Variants in RANBP2 observed in about 807,000 individuals in gnomAD.
RANBP2 encodes RAN binding protein 2.
In RANBP2, 57 loss-of-function variants were observed where a neutral mutation model predicts 303.6. The observed-to-expected ratio is 0.19, with a 90% CI of 0.15 to 0.23. RANBP2 has a LOEUF of 0.23. RANBP2 is among the 10% of genes least tolerant of loss of function. RANBP2 has a pLI of 1.00. For synonymous variants in RANBP2, 1,167 were observed against 1,301.5 expected (o/e 0.90, Z 2.23); for missense variants, 3,138 against 3,780.8 (o/e 0.83, Z 4.46).
chr2:109,225,079 G>A, the RANBP2 span, among the ~76,000 whole-genome samples: 328 of 152,216 alleles, frequency 2.2e-3, 1 homozygote, highest in African/African-American at 7.4e-3. Flanking sequence ...GAGCCTTTTC[G>A]TTTAGACCAA....
the RANBP2 span, among the ~76,000 whole-genome samples, chr2:109,626,238 GAGA>G: frequency 3.6e-3 from 555 of 152,216 alleles, 3 homozygotes; most frequent in African/African-American, 0.013. Context: ...CCTGAACTTT[GAGA>G]GGCCGAGGTG....
chr2:108,871,573 C>T, the RANBP2 span, among the ~76,000 whole-genome samples: 9 of 151,736 alleles, frequency 5.9e-5, no homozygotes, highest in Non-Finnish European at 1.3e-4. Flanking sequence ...AAAGTTCCTT[C>T]TGTTAAAAAA....
the RANBP2 span, among the ~76,000 whole-genome samples, chr2:109,675,981 G>A: frequency 6.6e-6 from 1 of 152,356 alleles, no homozygotes; most frequent in East Asian, 1.9e-4. Flanking sequence ...GAGCACCATA[G>A]CCAGTGAGGA....
the RANBP2 span, among the ~76,000 whole-genome samples, chr2:109,396,173 C>T: frequency 1.3e-5 from 2 of 152,218 alleles, no homozygotes; most frequent in African/African-American, 4.8e-5. Flanking sequence ...AGAAAGCTGG[C>T]TCCCAGGTAT....
the RANBP2 span, among the ~76,000 whole-genome samples, chr2:108,881,929 A>T: frequency 1.3e-5 from 2 of 152,164 alleles, no homozygotes; most frequent in Admixed American, 1.3e-4. Flanking sequence ...GGATTGCTTG[A>T]GGCCAGGAGT....
At chr2:109,437,166 A>AC in the RANBP2 span, 3 of 1,593,928 alleles carry the variant, frequency 1.9e-6, no homozygotes, top group Admixed American at 5.1e-5. Context: ...CAGGGGCCTC[A>AC]CCCTGCAGGG....
At chr2:108,911,163 T>G in the RANBP2 span, 5 of 1,507,940 alleles carry the variant, frequency 3.3e-6, no homozygotes, top group African/African-American at 6.9e-5. Flanking sequence ...GCAATGGCCC[T>G]GCCCCTGGGA....
chr2:109,078,550 A>AT, the RANBP2 span, among the ~76,000 whole-genome samples: 1 of 148,994 alleles, frequency 6.7e-6, no homozygotes, highest in Admixed American at 6.7e-5. Flanking sequence ...TGGTCAAAGG[A>AT]TATGAAGCTT....
At chr2:109,063,131 G>A in the RANBP2 span, among the ~76,000 whole-genome samples, 1 of 152,186 alleles carries the variant, frequency 6.6e-6, no homozygotes, top group Non-Finnish European at 1.5e-5. Context: ...TTCCCCTAGG[G>A]TTGTGCAGAC....
At chr2:109,645,543 A>G in the RANBP2 span, among the ~76,000 whole-genome samples, 1 of 152,192 alleles carries the variant, frequency 6.6e-6, no homozygotes, top group Admixed American at 6.5e-5. Context: ...GTGCTAAACA[A>G]ACCAAGCCTG....
At chr2:109,290,434 A>G in the RANBP2 span, among the ~76,000 whole-genome samples, 1 of 152,202 alleles carries the variant, frequency 6.6e-6, no homozygotes. Context: ...ACACACATAT[A>G]TGCATGCACC....
chr2:109,337,051 TA>T, the RANBP2 span, among the ~76,000 whole-genome samples: 61 of 152,366 alleles, frequency 4.0e-4, 1 homozygote, highest in East Asian at 0.011. Context: ...TAACATTTTT[TA>T]ACATAATAGC....
chr2:108,983,379 A>G, the RANBP2 span, among the ~76,000 whole-genome samples: 1 of 152,204 alleles, frequency 6.6e-6, no homozygotes, highest in African/African-American at 2.4e-5. Flanking sequence ...GGCCAGAGGT[A>G]ATGTTTATTA....
chr2:109,447,699 C>T, the RANBP2 span, among the ~76,000 whole-genome samples: 1 of 152,146 alleles, frequency 6.6e-6, no homozygotes, highest in African/African-American at 2.4e-5. Context: ...TTGTTTCATC[C>T]ATATTTATTA....
At chr2:108,896,913 T>C in the RANBP2 span, 1 of 1,611,714 alleles carries the variant, frequency 6.2e-7, no homozygotes, top group Non-Finnish European at 8.5e-7. Context: ...CTTTTCAGGA[T>C]GCAGCATGTG....
At chr2:109,574,891 C>A in the RANBP2 span, 12 of 560,078 alleles carry the variant, frequency 2.1e-5, no homozygotes, top group Middle Eastern at 5.0e-4. Flanking sequence ...CTATGCTGAA[C>A]AGATTAACTT....
the RANBP2 span, among the ~76,000 whole-genome samples, chr2:109,767,884 CAA>C: frequency 2.3e-5 from 1 of 43,038 alleles, no homozygotes. Flanking sequence ...TAGCAGGAAT[CAA>C]AGAGTGCAGA....
the RANBP2 span, among the ~76,000 whole-genome samples, chr2:109,379,664 G>A: frequency 6.6e-6 from 1 of 152,212 alleles, no homozygotes; most frequent in Non-Finnish European, 1.5e-5. Flanking sequence ...TCCTGCCGCA[G>A]CGACAGCCTG....
the RANBP2 span, among the ~76,000 whole-genome samples, chr2:109,069,274 C>T: frequency 6.6e-6 from 1 of 152,210 alleles, no homozygotes; most frequent in Non-Finnish European, 1.5e-5. Flanking sequence ...CTCAATACAG[C>T]CTTTGAGTGC....
Sources: allele counts gnomAD v4.1 joint callset (sites outside exome capture counted in the v4.1 genomes callset), GRCh38; gene constraint gnomAD v4.1.1; transcripts MANE v1.5; gene names NCBI Gene and HGNC (gene_info 2026-07-23, HGNC 2026-07-21).